DNAH11: variants seen among roughly 807,000 people sequenced by gnomAD.
The protein encoded by DNAH11 is dynein axonemal heavy chain 11, also known as axonemal beta dynein heavy chain 11.
In DNAH11, 442 loss-of-function variants were observed where a neutral mutation model predicts 526.0. The observed-to-expected ratio is 0.84, with a 90% CI of 0.78 to 0.91. DNAH11 has a LOEUF of 0.91. Among genes scored for constraint, DNAH11 ranks in the 40% least tolerant of loss-of-function variants. The pLI, the probability that DNAH11 is intolerant of heterozygous loss-of-function variation, is 0.00. For missense variants in DNAH11, 6,989 were observed against 5,448.7 expected, an observed-to-expected ratio of 1.28 and a Z score of -8.90; for synonymous variants, 2,461 against 1,935.9, an observed-to-expected ratio of 1.27 and a Z score of -7.12.
rs887509879 is a variant in DNAH11 at position 21,687,422 on chromosome 7, C to G, written c.5819C>G (p.Ala1940Gly). The part of the protein sequence containing the change: ...NIYKGLVQTG[A>G]WGCFDEFNRI... Reference sequence around the variant, plus strand: ...TATAAGGGATTGGTGCAGACAGGAGCTTGGGGCTGCTTTGATGAGTTCAAC... The same window carrying G: ...TATAAGGGATTGGTGCAGACAGGAGGTTGGGGCTGCTTTGATGAGTTCAAC... The change falls in exon 34 of 82, where the codon GCT (alanine) becomes GGT (glycine). Residue 1940 changes from alanine to glycine, a missense_variant. Transcript: ENST00000409508. 1 of 1,613,904 alleles carries G rather than the reference C, an allele frequency of 6.2e-7. No homozygotes were observed.
chr7:21,688,714 G>A (rs567986187), intron 34 of DNAH11, among the ~76,000 whole-genome samples: 1 of 152,304 alleles, frequency 6.6e-6, no homozygotes, highest in African/African-American at 2.4e-5. Flanking sequence ...TGTTCTTGCA[G>A]TAACTTGGGC....
intron 65 of DNAH11, among the ~76,000 whole-genome samples, chr7:21,840,938 T>A: frequency 6.6e-6 from 1 of 152,162 alleles, no homozygotes; most frequent in East Asian, 1.9e-4. Flanking sequence ...TCCTAGCACT[T>A]TGGAAGGCCA....
chr7:21,728,012 G>A (rs181205467), intron 45 of DNAH11, among the ~76,000 whole-genome samples: 56 of 152,146 alleles, frequency 3.7e-4, no homozygotes, highest in African/African-American at 1.3e-3. Flanking sequence ...AAGGACACCA[G>A]TCACATTGGA....
intron 65 of DNAH11, among the ~76,000 whole-genome samples, chr7:21,828,094 A>G (rs951158489): frequency 6.6e-6 from 1 of 152,134 alleles, no homozygotes; most frequent in African/African-American, 2.4e-5. Flanking sequence ...AACTACAGGC[A>G]TGCGCCACCA....
chr7:21,614,879 G>A (rs906068980), intron 20 of DNAH11, among the ~76,000 whole-genome samples: 19 of 152,174 alleles, frequency 1.2e-4, no homozygotes, highest in Admixed American at 7.9e-4. Flanking sequence ...GCTAATACGT[G>A]TATAGGGACA....
intron 65 of DNAH11, among the ~76,000 whole-genome samples, chr7:21,821,463 A>G (rs1163491163): frequency 6.6e-6 from 1 of 152,178 alleles, no homozygotes; most frequent in Non-Finnish European, 1.5e-5. Context: ...TTTTCCCATG[A>G]GAAAAATGGG....
rs73682646 is a variant in DNAH11, at chr7:21,592,123, C to T, written c.2667+546C>T. ...GAAAATAAAAGCAAACAACACAATG[C>T]TCCCCTGCCAACCACCACCAAATCC... is the stretch of plus-strand genomic sequence containing the variant. On this transcript the variant is annotated intron_variant, in intron 14 of 81. Coordinates refer to ENST00000409508, the MANE Select transcript of DNAH11 (RefSeq NM_001277115.2). Among the ~76,000 whole-genome samples the T allele has an allele frequency of 2.3e-4, 35 of 152,258 alleles. No homozygotes were observed. In the South Asian group the frequency reaches 5.8e-3, roughly 25 times the overall value.
Position 21,801,057 on chromosome 7 carries a change from A to C in DNAH11, c.10027-80A>C, listed in dbSNP as rs1018980382. On this transcript the variant is annotated intron_variant, in intron 61 of 81. Coordinates refer to ENST00000409508, the MANE Select transcript of DNAH11 (RefSeq NM_001277115.2). Reference sequence around the variant, plus strand: ...GAAGAGGTTTGTCCATTTACCTTACAGTAACAGATGTTTTAAGATGATGGT... The same window carrying C: ...GAAGAGGTTTGTCCATTTACCTTACCGTAACAGATGTTTTAAGATGATGGT... 51 of 1,448,072 alleles carry C rather than the reference A, an allele frequency of 3.5e-5. No homozygotes were observed. The Admixed American group carries it at 9.9e-4, about 28-fold the overall frequency. The allele number at this position is 1,448,072 out of a possible 1,614,324, so 89.7% of individuals were successfully genotyped here.
chr7:21,661,098 C>T (rs929025760), intron 30 of DNAH11, among the ~76,000 whole-genome samples: 5 of 152,058 alleles, frequency 3.3e-5, no homozygotes, highest in Non-Finnish European at 4.4e-5. Context: ...TAGATCTTAA[C>T]GTCTCTCCTC....
chr7:21,543,495 G>T lies in DNAH11; in HGVS notation c.250G>T (p.Glu84Ter), dbSNP rs1171809049. 1 of 1,606,334 alleles carries T rather than the reference G, an allele frequency of 6.2e-7. No individual in the cohort carries two copies. The highest frequency in any genetic ancestry group is 1.3e-5 in the African/African-American group (1 of 74,856). The change falls in exon 1 of 82, where the codon GAG (glutamate) becomes TAG (stop). Residue 84 changes from glutamate to a stop codon, truncating the protein, a stop_gained. Transcript: ENST00000409508. LOFTEE classifies it high-confidence loss of function. ...EEKWSQYLESEDNRQVLGEFL... is the reference protein window; with the variant it reads ...EEKWSQYLES ...GAAATGGAGCCAGTATTTGGAAAGC[G>T]AGGACAACCGGCAGGTTCTTGGGGA...
chr7:21,678,577 T>C (rs1273470747), intron 30 of DNAH11, among the ~76,000 whole-genome samples: 1 of 151,068 alleles, frequency 6.6e-6, no homozygotes, highest in East Asian at 1.9e-4. Context: ...TTGTTTTTTC[T>C]ACATCTGCAA....
chr7:21,599,726 G>C, intron 14 of DNAH11, 61 bp from the exon 15 acceptor site: 1 of 1,257,826 alleles, frequency 8.0e-7, no homozygotes, highest in Non-Finnish European at 1.1e-6. Context: ...TAAACGGAGA[G>C]TTTTAGTTTT....
At chr7:21,596,247 T>G (rs1562688262) in intron 14 of DNAH11, among the ~76,000 whole-genome samples, 1 of 152,154 alleles carries the variant, frequency 6.6e-6, no homozygotes. Context: ...TGTCCTGAAA[T>G]GAAAGAAGTT....
At position 21,818,322 on chromosome 7, in the gene DNAH11, C is replaced by T. The variant is rs1392635638; in HGVS notation, c.10674C>T (p.Asn3558=). The change falls in exon 65 of 82, where the codon AAC becomes AAT. Residue 3558 remains asparagine, a synonymous_variant. Coordinates refer to ENST00000409508, the MANE Select transcript of DNAH11 (RefSeq NM_001277115.2). ...TCCTGGATCCACTACTTGGCAGGAACACAATTAAAAAAGGAAAGTAAGTAT... is the reference window on the plus strand; with the variant it reads ...TCCTGGATCCACTACTTGGCAGGAATACAATTAAAAAAGGAAAGTAAGTAT... ...DPVLDPLLGR[N]TIKKGKYIRI... 1.2e-6 allele frequency: 2 copies of T among 1,604,050 alleles called. No individual in the cohort carries two copies. Among genetic ancestry groups the T allele is most frequent in the Non-Finnish European group, 1.7e-6 (2 of 1,176,980 alleles).
intron 20 of DNAH11, among the ~76,000 whole-genome samples, chr7:21,612,664 A>G (rs528036679): frequency 6.6e-6 from 1 of 152,220 alleles, no homozygotes; most frequent in Non-Finnish European, 1.5e-5. Context: ...AGGAACCTGA[A>G]GAAGAATGAA....
chr7:21,785,825 G>A (rs1788151261), intron 58 of DNAH11, among the ~76,000 whole-genome samples: 1 of 152,102 alleles, frequency 6.6e-6, no homozygotes, highest in African/African-American at 2.4e-5. Flanking sequence ...AAATAAATAG[G>A]CAGCTTCTGA....
chr7:21,682,199 C>G (rs1486094574), intron 31 of DNAH11, among the ~76,000 whole-genome samples: 1 of 152,138 alleles, frequency 6.6e-6, no homozygotes, highest in African/African-American at 2.4e-5. Context: ...TTTTCTAATT[C>G]TTTTAGTATA....
intron 56 of DNAH11, among the ~76,000 whole-genome samples, chr7:21,778,628 C>T (rs991935286): frequency 2.6e-5 from 4 of 152,106 alleles, no homozygotes; most frequent in Non-Finnish European, 4.4e-5. Context: ...TCCTTGAGCC[C>T]GAGCTGCCTA....
intron 43 of DNAH11, 142 bp downstream of exon 43, chr7:21,718,067 C>G: frequency 8.9e-7 from 1 of 1,126,722 alleles, no homozygotes; most frequent in African/African-American, 1.6e-5. Context: ...CTTGCCCCCG[C>G]CCCCGTCCCC....
Sources: allele counts gnomAD v4.1 joint callset (sites outside exome capture counted in the v4.1 genomes callset), GRCh38; gene constraint gnomAD v4.1.1; transcripts MANE v1.5; gene names NCBI Gene and HGNC (gene_info 2026-07-23, HGNC 2026-07-21).